SYT1: variants seen among roughly 807,000 people sequenced by gnomAD.
SYT1 encodes synaptotagmin 1.
A neutral mutation model predicts 44.8 loss-of-function variants in SYT1; 8 were observed. The ratio of observed to expected loss-of-function variants is 0.18; its 90% CI spans 0.10 to 0.32. SYT1 has a LOEUF of 0.32. Among genes scored for constraint, SYT1 ranks in the 10% least tolerant of loss-of-function variants. The pLI, the probability that SYT1 is intolerant of heterozygous loss-of-function variation, is 1.00. For missense variants in SYT1, 286 were observed against 509.3 expected (o/e 0.56, Z 4.22); for synonymous variants, 154 against 188.8 (o/e 0.82, Z 1.51).
chr12:78,946,396 T>C (rs1411946101), intron 1 of SYT1, among the ~76,000 whole-genome samples: 2 of 152,150 alleles, frequency 1.3e-5, no homozygotes, highest in Non-Finnish European at 2.9e-5. Flanking sequence ...GGCTCACACC[T>C]CTAATCCCAG....
chr12:79,182,526 C>T (rs189222680), intron 3 of SYT1, among the ~76,000 whole-genome samples: 1 of 152,164 alleles, frequency 6.6e-6, no homozygotes, highest in Admixed American at 6.6e-5. Flanking sequence ...CCTGGGGACT[C>T]AATCAACAAA....
intron 9 of SYT1, among the ~76,000 whole-genome samples, chr12:79,384,033 T>TC (rs1225518881): frequency 1.1e-4 from 16 of 152,194 alleles, no homozygotes; most frequent in Non-Finnish European, 7.4e-5. Context: ...TCTAGGAAAC[T>TC]TAATATTGAG....
intron 8 of SYT1, among the ~76,000 whole-genome samples, chr12:79,339,559 C>T (rs1565915718): frequency 6.6e-6 from 1 of 150,866 alleles, no homozygotes; most frequent in Non-Finnish European, 1.5e-5. Context: ...TTTGTAGATT[C>T]TGGAAATTAG....
chr12:79,404,123 G>A (rs1593038243), intron 9 of SYT1, among the ~76,000 whole-genome samples: 2 of 152,102 alleles, frequency 1.3e-5, no homozygotes, highest in East Asian at 3.9e-4. Context: ...TCTGAGTACA[G>A]ATTTCACAGG....
At chr12:79,090,674 A>G (rs1490863331) in intron 3 of SYT1, among the ~76,000 whole-genome samples, 2 of 152,040 alleles carry the variant, frequency 1.3e-5, no homozygotes, top group Non-Finnish European at 2.9e-5. Context: ...TATTACATGC[A>G]CGTGCACAGG....
chr12:79,345,045 C>A (rs926944220), intron 8 of SYT1, among the ~76,000 whole-genome samples: 1 of 152,136 alleles, frequency 6.6e-6, no homozygotes, highest in African/African-American at 2.4e-5. Context: ...CTAGAACACT[C>A]ATGCCCTCTT....
At position 79,451,769 on chromosome 12, in the gene SYT1, G is replaced by A. The variant is rs1021008427; in HGVS notation, c.*2645G>A. On this transcript the variant is annotated 3_prime_UTR_variant, in exon 11 of 11. Transcript: ENST00000261205. ...TTGTGTATATTTACTGCCTGCTTGA[G>A]TGTTTCTATGTGTGGGTTTTCCCTG... is the stretch of plus-strand genomic sequence containing the variant. 2.0e-5 allele frequency: 3 copies of A among 152,186 alleles called. No homozygotes were observed. Among genetic ancestry groups the A allele is most frequent in the Admixed American group, 1.3e-4 (2 of 15,278 alleles). 9.4% of individuals were successfully genotyped at this position (152,186 alleles called of 1,614,324 possible).
At chr12:79,041,972 A>G (rs1327404970) in intron 2 of SYT1, among the ~76,000 whole-genome samples, 2 of 152,120 alleles carry the variant, frequency 1.3e-5, no homozygotes, top group East Asian at 3.9e-4. Flanking sequence ...CCAGTGATGA[A>G]GCCCACTTGA....
At chr12:79,075,337 C>G (rs1876570259) in intron 3 of SYT1, among the ~76,000 whole-genome samples, 2 of 152,156 alleles carry the variant, frequency 1.3e-5, no homozygotes, top group South Asian at 4.1e-4. Context: ...TTCTCTCTCT[C>G]TCTCTCTTTT....
At chr12:78,994,256 G>A (rs1646551284) in intron 2 of SYT1, among the ~76,000 whole-genome samples, 1 of 152,030 alleles carries the variant, frequency 6.6e-6, no homozygotes, top group African/African-American at 2.4e-5. Context: ...GCACTTAAGT[G>A]AGCCTTTATC....
At chr12:79,017,893 G>T (rs1445202484) in intron 2 of SYT1, among the ~76,000 whole-genome samples, 3 of 152,064 alleles carry the variant, frequency 2.0e-5, no homozygotes, top group Admixed American at 6.6e-5. Context: ...CAGGCCAAAG[G>T]TGAAGAGGTC....
At chr12:79,441,193 CTT>C (rs1870392286) in intron 9 of SYT1, among the ~76,000 whole-genome samples, 1 of 152,218 alleles carries the variant, frequency 6.6e-6, no homozygotes, top group Non-Finnish European at 1.5e-5. Context: ...AACGTAAGTG[CTT>C]TGGTACCTGT....
intron 8 of SYT1, among the ~76,000 whole-genome samples, chr12:79,311,358 T>C (rs1261930470): frequency 1.3e-5 from 2 of 151,066 alleles, no homozygotes; most frequent in Non-Finnish European, 3.0e-5. Flanking sequence ...CATTAAAAAG[T>C]CAGGAAACAA....
At chr12:79,076,097 T>C (rs1876629385) in intron 3 of SYT1, among the ~76,000 whole-genome samples, 1 of 152,084 alleles carries the variant, frequency 6.6e-6, no homozygotes, top group African/African-American at 2.4e-5. Flanking sequence ...GGGAAACCTA[T>C]GACCTTTTTG....
At chr12:79,131,757 AT>A (rs1486368493) in intron 3 of SYT1, among the ~76,000 whole-genome samples, 1 of 152,202 alleles carries the variant, frequency 6.6e-6, no homozygotes, top group African/African-American at 2.4e-5. Context: ...TAATATATTT[AT>A]TTTGACTGTT....
intron 4 of SYT1, among the ~76,000 whole-genome samples, chr12:79,256,088 TTG>T (rs1208906211): frequency 6.6e-6 from 1 of 152,220 alleles, no homozygotes; most frequent in Non-Finnish European, 1.5e-5. Context: ...CTGCAACCAC[TTG>T]TGGCTTTGGA....
chr12:79,432,434 A>G (rs867771600), intron 9 of SYT1, among the ~76,000 whole-genome samples: 21 of 151,782 alleles, frequency 1.4e-4, no homozygotes, highest in Middle Eastern at 3.4e-3. Flanking sequence ...TCATTGTTCA[A>G]TTCCCACCTA....
chr12:79,145,296 C>T (rs1869807625), intron 3 of SYT1, among the ~76,000 whole-genome samples: 1 of 151,890 alleles, frequency 6.6e-6, no homozygotes, highest in South Asian at 2.1e-4. Context: ...ACATATTTTT[C>T]TAATTTTATT....
intron 3 of SYT1, among the ~76,000 whole-genome samples, chr12:79,075,587 A>C (rs1360684559): frequency 6.6e-6 from 1 of 152,196 alleles, no homozygotes; most frequent in African/African-American, 2.4e-5. Flanking sequence ...TTAGACTATC[A>C]GTTGTGTGAC....
Sources: gnomAD v4.1 joint callset for allele counts (sites outside exome capture counted in the v4.1 genomes callset) on GRCh38, gnomAD v4.1.1 for gene constraint, MANE v1.5 for transcripts, NCBI Gene and HGNC (gene_info 2026-07-23, HGNC 2026-07-21) for gene names.